The following CADM2 variants were observed in gnomAD, a reference collection of about 807,000 sequenced individuals.
CADM2 encodes cell adhesion molecule 2.
A neutral mutation model predicts 49.8 loss-of-function variants in CADM2; 12 were observed. The observed-to-expected ratio is 0.24, with a 90% CI of 0.15 to 0.39. The LOEUF is 0.39. CADM2 is among the 10% of genes least tolerant of loss of function. The probability of loss-of-function intolerance (pLI) is 1.00; values close to 1 mark genes in which losing one functional copy is unlikely to be tolerated. For synonymous variants in CADM2, 214 were observed against 175.4 expected, an observed-to-expected ratio of 1.22 and a Z score of -1.74; for missense variants, 378 against 492.3, an observed-to-expected ratio of 0.77 and a Z score of 2.20.
At chr3:85,477,943 G>A (rs1159301857) in intron 1 of CADM2, among the ~76,000 whole-genome samples, 1 of 151,872 alleles carries the variant, frequency 6.6e-6, no homozygotes. Context: ...CATGTTGTTG[G>A]AAACTCACTA....
At chr3:85,065,120 G>A (rs2107456680) in intron 1 of CADM2, among the ~76,000 whole-genome samples, 1 of 151,978 alleles carries the variant, frequency 6.6e-6, no homozygotes, top group East Asian at 1.9e-4. Context: ...TTGTGAATTA[G>A]TAAACTTACT....
chr3:85,587,558 A>G (rs1188047945), intron 1 of CADM2, among the ~76,000 whole-genome samples: 1 of 152,002 alleles, frequency 6.6e-6, no homozygotes, highest in Non-Finnish European at 1.5e-5. Flanking sequence ...GTCAACCCCT[A>G]TGATCCTTGG....
At chr3:85,078,192 T>G (rs1463785669) in intron 1 of CADM2, among the ~76,000 whole-genome samples, 1 of 152,040 alleles carries the variant, frequency 6.6e-6, no homozygotes, top group Non-Finnish European at 1.5e-5. Context: ...TATCACTGCC[T>G]TTCTTTAAAT....
intron 1 of CADM2, among the ~76,000 whole-genome samples, chr3:85,332,585 A>G (rs1346180869): frequency 2.0e-5 from 3 of 151,962 alleles, no homozygotes; most frequent in Non-Finnish European, 4.4e-5. Context: ...GGACTTAGTT[A>G]TATTTTCACT....
At chr3:85,384,242 A>G (rs1420237580) in intron 1 of CADM2, among the ~76,000 whole-genome samples, 1 of 152,168 alleles carries the variant, frequency 6.6e-6, no homozygotes, top group Non-Finnish European at 1.5e-5. Context: ...CATATATCTT[A>G]TAGAATGCAC....
chr3:86,040,270 T>G (rs887210480), intron 8 of CADM2, among the ~76,000 whole-genome samples: 2 of 151,934 alleles, frequency 1.3e-5, no homozygotes, highest in Non-Finnish European at 2.9e-5. Context: ...AGGCTTCAGA[T>G]GATCAAACTA....
chr3:86,012,894 G>T, intron 8 of CADM2: 1 of 579,674 alleles, frequency 1.7e-6, no homozygotes, highest in Non-Finnish European at 3.1e-6. Flanking sequence ...AGAATGGCGT[G>T]AACCCGGGAG....
At chr3:85,072,619 T>G (rs1365698652) in intron 1 of CADM2, among the ~76,000 whole-genome samples, 4 of 152,112 alleles carry the variant, frequency 2.6e-5, no homozygotes, top group African/African-American at 9.6e-5. Flanking sequence ...TAACTCCCAT[T>G]AACACTAATA....
chr3:85,407,736 A>G (rs1303892302), intron 1 of CADM2, among the ~76,000 whole-genome samples: 3 of 152,154 alleles, frequency 2.0e-5, no homozygotes, highest in African/African-American at 4.8e-5. Context: ...TAATCTCAGC[A>G]CTTTGAGAGG....
chr3:85,651,844 G>A (rs1348741057), intron 1 of CADM2, among the ~76,000 whole-genome samples: 44 of 148,040 alleles, frequency 3.0e-4, no homozygotes, highest in Non-Finnish European at 5.3e-4. Context: ...TTGAGACAGA[G>A]TCACGCTCTG....
chr3:85,635,283 A>G (rs1392700307), intron 1 of CADM2, among the ~76,000 whole-genome samples: 1 of 152,246 alleles, frequency 6.6e-6, no homozygotes, highest in African/African-American at 2.4e-5. Context: ...TAGAACCTAG[A>G]TCTTCTTTTT....
chr3:85,348,597 A>G (rs2031011864), intron 1 of CADM2, among the ~76,000 whole-genome samples: 1 of 152,232 alleles, frequency 6.6e-6, no homozygotes, highest in African/African-American at 2.4e-5. Flanking sequence ...CAAAATTAAC[A>G]GATAAACAAA....
chr3:85,690,750 G>A (rs1206229023), intron 1 of CADM2, among the ~76,000 whole-genome samples: 1 of 152,088 alleles, frequency 6.6e-6, no homozygotes, highest in Non-Finnish European at 1.5e-5. Flanking sequence ...TTTTAGAAAA[G>A]ACCTTTCTCT....
At chr3:85,834,694 T>C (rs1461103463) in intron 3 of CADM2, among the ~76,000 whole-genome samples, 3 of 151,472 alleles carry the variant, frequency 2.0e-5, no homozygotes, top group African/African-American at 7.3e-5. Context: ...ACATTTCCAA[T>C]TGTAGTCTCA....
intron 1 of CADM2, among the ~76,000 whole-genome samples, chr3:85,575,707 A>G (rs552831139): frequency 6.6e-6 from 1 of 152,356 alleles, no homozygotes; most frequent in African/African-American, 2.4e-5. Flanking sequence ...TTTCACAAAA[A>G]GTATGTTTTG....
chr3:85,870,260 AACTTTT>A (rs1049462834), intron 3 of CADM2, among the ~76,000 whole-genome samples: 1 of 149,868 alleles, frequency 6.7e-6, no homozygotes, highest in Non-Finnish European at 1.5e-5. Flanking sequence ...TTTTTTTTTT[AACTTTT>A]ACTTTAGGTT....
At chr3:85,654,777 A>G (rs1048030311) in intron 1 of CADM2, among the ~76,000 whole-genome samples, 1 of 152,142 alleles carries the variant, frequency 6.6e-6, no homozygotes, top group African/African-American at 2.4e-5. Context: ...TGAATTTTTT[A>G]TGTGCATAAT....
At chr3:86,042,264 C>T (rs1418169504) in intron 8 of CADM2, among the ~76,000 whole-genome samples, 3 of 151,942 alleles carry the variant, frequency 2.0e-5, no homozygotes, top group South Asian at 2.1e-4. Context: ...CACAAAAAAC[C>T]CTTCAAAAAA....
At chr3:85,606,703 G>T (rs1193723367) in intron 1 of CADM2, among the ~76,000 whole-genome samples, 1 of 152,106 alleles carries the variant, frequency 6.6e-6, no homozygotes, top group Non-Finnish European at 1.5e-5. Context: ...TAATGTATGA[G>T]TAGGATGTTG....
Sources: allele counts gnomAD v4.1 joint callset (sites outside exome capture counted in the v4.1 genomes callset), GRCh38; gene constraint gnomAD v4.1.1; transcripts MANE v1.5; gene names NCBI Gene and HGNC (gene_info 2026-07-23, HGNC 2026-07-21).